The following STOX1 variants were observed in gnomAD, a reference collection of about 807,000 sequenced individuals.
STOX1 encodes the protein storkhead box 1.
In STOX1, 57 loss-of-function variants were observed where a neutral mutation model predicts 74.8. The ratio of observed to expected loss-of-function variants is 0.76; its 90% CI spans 0.62 to 0.95. The LOEUF (loss-of-function observed/expected upper bound fraction) is 0.95. STOX1 is among the 40% of genes least tolerant of loss of function. The probability of loss-of-function intolerance (pLI) is 0.00; values close to 1 mark genes in which losing one functional copy is unlikely to be tolerated. For synonymous variants in STOX1, 375 were observed against 401.3 expected, an observed-to-expected ratio of 0.93 and a Z score of 0.78; for missense variants, 1,010 against 1,117.0, an observed-to-expected ratio of 0.90 and a Z score of 1.37.
chr10:68,864,897 A>G (rs553551443), intron 1 of STOX1, among the ~76,000 whole-genome samples: 1 of 152,350 alleles, frequency 6.6e-6, no homozygotes, highest in East Asian at 1.9e-4. Flanking sequence ...TCCCCTAGTA[A>G]TTTTTGAAAG....
At chr10:68,845,854 G>A (rs1359179217) in intron 1 of STOX1, among the ~76,000 whole-genome samples, 2 of 151,556 alleles carry the variant, frequency 1.3e-5, no homozygotes, top group African/African-American at 4.8e-5. Context: ...TACCCGCCTC[G>A]GCCTGCCAAA....
chr10:68,830,068 G>A (rs977628926), intron 1 of STOX1, among the ~76,000 whole-genome samples: 4 of 152,146 alleles, frequency 2.6e-5, no homozygotes, highest in Non-Finnish European at 5.9e-5. Context: ...GCTAAGTCAC[G>A]GGCTGCCACT....
chr10:68,874,013 C>CTTTTTTTTTTTTTT lies in STOX1; in HGVS notation c.311-7935_311-7922dup, dbSNP rs1160388935. Among the ~76,000 whole-genome samples the CTTTTTTTTTTTTTT allele has an allele frequency of 2.3e-4, 6 of 25,752 alleles. 2 individuals carry two copies. Among genetic ancestry groups the CTTTTTTTTTTTTTT allele is most frequent in the African/African-American group, 3.6e-4 (2 of 5,536 alleles). The allele number at this position is 25,752 out of a possible 152,430, so 16.9% of individuals were successfully genotyped here. A position where few individuals can be genotyped will look rare whatever the true frequency, so the allele number is the denominator to read the frequency against. ...GAAAAATTGCAGATAGCTAGGTAGC[C>CTTTTTTTTTTTTTT]TTTTTTTTTTTTTTTTTTTTTTTGC... On this transcript the variant is annotated intron_variant, in intron 1 of 3. Transcript: ENST00000298596.
At chr10:68,836,385 G>A (rs1839554477) in intron 1 of STOX1, among the ~76,000 whole-genome samples, 1 of 152,212 alleles carries the variant, frequency 6.6e-6, no homozygotes, top group African/African-American at 2.4e-5. Flanking sequence ...TTTCCAGCAT[G>A]GAGGAAGAAG....
chr10:68,842,610 G>A (rs1016770454), intron 1 of STOX1, among the ~76,000 whole-genome samples: 6 of 148,128 alleles, frequency 4.1e-5, no homozygotes, highest in South Asian at 2.1e-4. Flanking sequence ...GCACGATCTC[G>A]GTTCACTGCA....
At chr10:68,866,792 G>C (rs1256233078) in intron 1 of STOX1, among the ~76,000 whole-genome samples, 29 of 152,192 alleles carry the variant, frequency 1.9e-4, no homozygotes, top group Non-Finnish European at 3.2e-4. Flanking sequence ...TGTGGCGGGG[G>C]ACAAGCATTG....
At chr10:68,894,865 A>G (rs1006303735), downstream of STOX1, among the ~76,000 whole-genome samples, 3 of 152,182 alleles carry the variant, frequency 2.0e-5, no homozygotes, top group Admixed American at 6.5e-5. Flanking sequence ...AGCTGGGACT[A>G]CAGGCGTAAG....
At chr10:68,887,984 G>A (rs957885012) in intron 3 of STOX1, among the ~76,000 whole-genome samples, 1 of 148,808 alleles carries the variant, frequency 6.7e-6, no homozygotes, top group Non-Finnish European at 1.5e-5. Context: ...GTACTGAAAA[G>A]TATTTTTTTT....
intron 1 of STOX1, among the ~76,000 whole-genome samples, chr10:68,866,883 C>T (rs1000028676): frequency 5.3e-5 from 8 of 151,640 alleles, no homozygotes; most frequent in African/African-American, 1.9e-4. Context: ...TGGCATTTCC[C>T]GAAATCGGGT....
At chr10:68,878,411 G>A (rs973185450) in intron 1 of STOX1, among the ~76,000 whole-genome samples, 2 of 152,080 alleles carry the variant, frequency 1.3e-5, no homozygotes, top group Admixed American at 6.6e-5. Flanking sequence ...TTAATGCCCC[G>A]CTTGGACAGA....
chr10:68,886,161 G>A lies in STOX1; in HGVS notation c.2365G>A (p.Val789Ile), dbSNP rs781028501. Reference protein sequence around the residue: ...LTEYNSTMERVESQVLKRNEC... With the variant: ...LTEYNSTMERIESQVLKRNEC... ...CGAGTACAACAGCACAATGGAGAGGGTTGAGTCTCAGGTGCTTAAAAGAAA... is the reference window on the plus strand; with the variant it reads ...CGAGTACAACAGCACAATGGAGAGGATTGAGTCTCAGGTGCTTAAAAGAAA... Residue 789 changes from valine to isoleucine, a missense_variant, in exon 3 of 4, where the codon GTT (valine) becomes ATT (isoleucine). Val to Ile is a conservative substitution (Grantham distance 29). Transcript: ENST00000298596. 4 of 1,614,048 alleles carry A rather than the reference G, an allele frequency of 2.5e-6. No homozygotes were observed. The highest frequency in any genetic ancestry group is 1.7e-5 in the Admixed American group (1 of 60,000).
intron 1 of STOX1, among the ~76,000 whole-genome samples, chr10:68,870,453 C>A (rs1840510695): frequency 6.6e-6 from 1 of 152,206 alleles, no homozygotes; most frequent in African/African-American, 2.4e-5. Flanking sequence ...ACGCTTGTAA[C>A]TGGTGTGGTA....
chr10:68,847,634 TC>T (rs1839886728), intron 1 of STOX1, among the ~76,000 whole-genome samples: 1 of 152,046 alleles, frequency 6.6e-6, no homozygotes, highest in Non-Finnish European at 1.5e-5. Flanking sequence ...CATCTCGAAT[TC>T]CTGACCTCAA....
chr10:68,837,448 C>T (rs980433574), intron 1 of STOX1, among the ~76,000 whole-genome samples: 1 of 152,182 alleles, frequency 6.6e-6, no homozygotes, highest in Non-Finnish European at 1.5e-5. Context: ...GCCCTGAGTA[C>T]TCTACTCATG....
chr10:68,842,536 C>CTTTTTTTTT (rs11332701), intron 1 of STOX1, among the ~76,000 whole-genome samples: 1 of 71,970 alleles, frequency 1.4e-5, no homozygotes, highest in Non-Finnish European at 2.6e-5. Flanking sequence ...TGTACCATTT[C>CTTTTTTTTT]TTTTTTTTTT....
intron 3 of STOX1, among the ~76,000 whole-genome samples, chr10:68,892,334 T>C (rs2132009170): frequency 6.6e-6 from 1 of 152,130 alleles, no homozygotes; most frequent in African/African-American, 2.4e-5. Flanking sequence ...ACATACTTGA[T>C]ACTAGATCTG....
chr10:68,853,974 C>T (rs187643807), intron 1 of STOX1, among the ~76,000 whole-genome samples: 3 of 150,474 alleles, frequency 2.0e-5, no homozygotes, highest in East Asian at 2.0e-4. Flanking sequence ...TGTGAGCCAC[C>T]GCGCCCAGCC....
intron 1 of STOX1, among the ~76,000 whole-genome samples, chr10:68,881,626 A>G (rs1840814875): frequency 6.6e-6 from 1 of 152,190 alleles, no homozygotes; most frequent in South Asian, 2.1e-4. Context: ...GAAAGATGGT[A>G]AACTGCTGGT....
At chr10:68,863,492 A>C (rs1840319424) in intron 1 of STOX1, among the ~76,000 whole-genome samples, 1 of 152,074 alleles carries the variant, frequency 6.6e-6, no homozygotes, top group South Asian at 2.1e-4. Flanking sequence ...TAATAGCTTT[A>C]GCTTCTTTCC....
Sources: allele counts gnomAD v4.1 joint callset (sites outside exome capture counted in the v4.1 genomes callset), GRCh38; gene constraint gnomAD v4.1.1; transcripts MANE v1.5; gene names NCBI Gene and HGNC (gene_info 2026-07-23, HGNC 2026-07-21).